Variants in NFKB1 observed in about 807,000 individuals in gnomAD.
NFKB1 encodes nuclear factor NF-kappa-B p105 subunit.
Under a neutral mutation model 105.1 loss-of-function variants are expected in NFKB1, and 9 were observed. That is an observed-to-expected ratio of 0.09 (90% CI 0.05 to 0.15). The LOEUF (loss-of-function observed/expected upper bound fraction) is 0.15. NFKB1 is among the 10% of genes least tolerant of loss of function. The pLI is 1.00. For synonymous variants in NFKB1, 440 were observed against 442.2 expected (o/e 1.00, Z 0.06); for missense variants, 830 against 1,203.7 (o/e 0.69, Z 4.59).
intron 3 of NFKB1, among the ~76,000 whole-genome samples, chr4:102,531,081 C>T (rs1741260602): frequency 1.3e-5 from 2 of 152,098 alleles, no homozygotes; most frequent in African/African-American, 4.8e-5. Flanking sequence ...TAATGTATTA[C>T]TGAAAATATA....
chr4:102,593,606 T>C (rs758058950), intron 12 of NFKB1, 38 bp downstream of exon 12: 55 of 1,584,600 alleles, frequency 3.5e-5, no homozygotes, highest in Non-Finnish European at 4.6e-5. Context: ...CTTTTTCATA[T>C]TGGAGAGGGT....
At chr4:102,534,423 G>C (rs1255676680) in intron 4 of NFKB1, among the ~76,000 whole-genome samples, 1 of 152,116 alleles carries the variant, frequency 6.6e-6, no homozygotes, top group East Asian at 1.9e-4. Context: ...CTTCCCTCTG[G>C]TGTCAGCCTC....
At chr4:102,539,361 C>T (rs1415308738) in intron 5 of NFKB1, among the ~76,000 whole-genome samples, 2 of 152,044 alleles carry the variant, frequency 1.3e-5, no homozygotes, top group East Asian at 1.9e-4. Context: ...ATCCTTATTC[C>T]CAAACAAAAG....
intron 6 of NFKB1, among the ~76,000 whole-genome samples, chr4:102,570,492 T>A (rs1232699480): frequency 1.3e-5 from 2 of 152,184 alleles, no homozygotes; most frequent in African/African-American, 4.8e-5. Flanking sequence ...TTCCATGTCT[T>A]TGCTATTGTG....
At chr4:102,515,688 T>C (rs1740131390) in intron 1 of NFKB1, among the ~76,000 whole-genome samples, 1 of 152,236 alleles carries the variant, frequency 6.6e-6, no homozygotes, top group South Asian at 2.1e-4. Flanking sequence ...TGTTTGTCCT[T>C]CTGTGCTGTT....
intron 4 of NFKB1, among the ~76,000 whole-genome samples, chr4:102,534,106 GTTAA>G (rs1741480120): frequency 6.6e-6 from 1 of 152,162 alleles, no homozygotes; most frequent in African/African-American, 2.4e-5. Context: ...TAAAACTGCA[GTTAA>G]TTACAGTATT....
intron 11 of NFKB1, among the ~76,000 whole-genome samples, chr4:102,589,429 C>A (rs1239311337): frequency 6.6e-6 from 1 of 151,600 alleles, no homozygotes; most frequent in Non-Finnish European, 1.5e-5. Context: ...AAAGGTCATC[C>A]CCTTCTAGTG....
rs1727839540 is a variant in NFKB1, at chr4:102,607,184, T to C, written c.1989T>C (p.Asn663=). ...LNAIHLAMMS[N]SLPCLLLLVA... Reference sequence around the variant, plus strand: ...CCATTCATCTAGCCATGATGAGCAATAGCCTGCCATGTTTGCTGCTGCTGG... The same window carrying C: ...CCATTCATCTAGCCATGATGAGCAACAGCCTGCCATGTTTGCTGCTGCTGG... Residue 663 remains asparagine (N), a synonymous_variant, in exon 18 of 24, where the codon AAT becomes AAC. Coordinates refer to ENST00000226574, the MANE Select transcript of NFKB1 (RefSeq NM_003998.4). The C allele has an allele frequency of 1.2e-6, 2 of 1,614,174 alleles. No homozygotes were observed. The highest frequency in any genetic ancestry group is 1.7e-6 in the Non-Finnish European group (2 of 1,180,026).
At position 102,582,850 on chromosome 4, in the gene NFKB1, A is replaced by C; in HGVS notation, c.836-16A>C. On this transcript the variant is annotated splice_polypyrimidine_tract_variant and intron_variant, in intron 9 of 23. Transcript: ENST00000226574. ...ACACTATGTGAAATTACACACTTCA[A>C]TGTGATTGTTTGCAGATGACATCCA... is the stretch of plus-strand genomic sequence containing the variant. 6.4e-7 allele frequency: 1 copy of C among 1,555,800 alleles called. No individual in the cohort carries two copies.
chr4:102,575,032 G>A (rs1282308789), intron 6 of NFKB1, among the ~76,000 whole-genome samples: 1 of 152,196 alleles, frequency 6.6e-6, no homozygotes, highest in African/African-American at 2.4e-5. Flanking sequence ...AAGGCTGAAA[G>A]GGCCAAAAGA....
intron 1 of NFKB1, among the ~76,000 whole-genome samples, chr4:102,507,565 G>A (rs1739503780): frequency 6.6e-6 from 1 of 151,986 alleles, no homozygotes; most frequent in African/African-American, 2.4e-5. Flanking sequence ...GCCTCCCAAA[G>A]TGCCGGGATT....
Position 102,606,671 on chromosome 4 carries a change from T to C in NFKB1, c.1928T>C (p.Leu643Pro). The C allele has an allele frequency of 6.2e-7, 1 of 1,614,150 alleles. No homozygotes were observed. Among genetic ancestry groups the C allele is most frequent in the Non-Finnish European group, 8.5e-7 (1 of 1,180,006 alleles). The change falls in exon 17 of 24, where the codon CTA becomes CCA. Residue 643 changes from leucine (L) to proline (P), a missense_variant. Coordinates refer to ENST00000226574, the MANE Select transcript of NFKB1 (RefSeq NM_003998.4). The stretch of plus-strand genomic sequence containing the variant: ...TTACTCAAGCACAAAAAGGCAGCAC[T>C]ACTTCTTGACCACCCCAACGGGGAC... ...SILLKHKKAA[L>P]LLDHPNGDGL...
Position 102,616,418 on chromosome 4 carries a change from T to C in NFKB1, c.2750-16T>C. On this transcript the variant is annotated splice_polypyrimidine_tract_variant and intron_variant, in intron 23 of 23. Coordinates refer to ENST00000226574, the MANE Select transcript of NFKB1 (RefSeq NM_003998.4). The stretch of plus-strand genomic sequence containing the variant: ...CCCGGCCATTCCCCCAGTGAATTTG[T>C]GCTTTCTCCCCTCAGACGAGCTCCG... 1 of 1,612,772 alleles carries C rather than the reference T, an allele frequency of 6.2e-7. No homozygotes were observed. Among genetic ancestry groups the C allele is most frequent in the Non-Finnish European group, 8.5e-7 (1 of 1,179,474 alleles).
intron 7 of NFKB1, among the ~76,000 whole-genome samples, 162 bp downstream of exon 7, chr4:102,577,201 A>AT (rs1345025457): frequency 6.6e-6 from 1 of 152,106 alleles, no homozygotes; most frequent in African/African-American, 2.4e-5. Context: ...TACTTCTAGG[A>AT]TAAAAACTAT....
chr4:102,617,141 GT>G lies in NFKB1; in HGVS notation c.*549del, dbSNP rs1447022163. 6.8e-6 allele frequency: 1 copy of G among 146,374 alleles called. No individual in the cohort carries two copies. The highest frequency in any genetic ancestry group is 1.5e-5 in the Non-Finnish European group (1 of 67,010). 9.1% of individuals were successfully genotyped at this position (146,374 alleles called of 1,614,324 possible). A position where few individuals can be genotyped will look rare whatever the true frequency, so the allele number is the denominator to read the frequency against. ...AAATACTTGTCAATATTTAAACATG[GT>G]TACAATCATTGCTGAAAATGGTATT... On this transcript the variant is annotated 3_prime_UTR_variant, in exon 24 of 24. Coordinates refer to ENST00000226574, the MANE Select transcript of NFKB1 (RefSeq NM_003998.4).
intron 8 of NFKB1, among the ~76,000 whole-genome samples, chr4:102,579,687 T>C (rs191937891): frequency 1.7e-4 from 25 of 149,404 alleles, no homozygotes; most frequent in Admixed American, 8.0e-4. Flanking sequence ...TAATTTATAG[T>C]TCCTAGGACT....
intron 5 of NFKB1, among the ~76,000 whole-genome samples, chr4:102,564,008 CAG>C (rs1425916181): frequency 6.6e-6 from 1 of 151,750 alleles, no homozygotes; most frequent in East Asian, 1.9e-4. Flanking sequence ...TTAGTAAAGA[CAG>C]GGCTTCACCA....
intron 2 of NFKB1, among the ~76,000 whole-genome samples, chr4:102,529,615 T>C (rs1009785270): frequency 1.4e-4 from 21 of 152,190 alleles, no homozygotes; most frequent in African/African-American, 4.6e-4. Flanking sequence ...CAAATCCCTT[T>C]GTTACGTAAA....
chr4:102,610,910 C>A (rs56231707), intron 20 of NFKB1, among the ~76,000 whole-genome samples: 2 of 152,232 alleles, frequency 1.3e-5, no homozygotes, highest in Non-Finnish European at 2.9e-5. Flanking sequence ...AAGTGTATGC[C>A]TAATCAGATC....
Sources: allele counts gnomAD v4.1 joint callset (sites outside exome capture counted in the v4.1 genomes callset), GRCh38; gene constraint gnomAD v4.1.1; transcripts MANE v1.5; gene names NCBI Gene and HGNC (gene_info 2026-07-23, HGNC 2026-07-21).